NUP160: variants seen among roughly 807,000 people sequenced by gnomAD.
NUP160 encodes the protein nuclear pore complex protein Nup160.
In NUP160, 94 loss-of-function variants were observed where a neutral mutation model predicts 196.9. The observed-to-expected ratio is 0.48, with a 90% CI of 0.40 to 0.57. The LOEUF (loss-of-function observed/expected upper bound fraction) is 0.57, where lower values mean the gene tolerates loss of function less well. NUP160 is among the 20% of genes least tolerant of loss of function. The probability of loss-of-function intolerance (pLI) is 0.00; values close to 1 mark genes in which losing one functional copy is unlikely to be tolerated. For missense variants in NUP160, 1,638 were observed against 1,748.3 expected, an observed-to-expected ratio of 0.94 and a Z score of 1.13; for synonymous variants, 605 against 619.7, an observed-to-expected ratio of 0.98 and a Z score of 0.35.
intron 29 of NUP160, among the ~76,000 whole-genome samples, chr11:47,790,480 T>G (rs913839590): frequency 2.0e-5 from 3 of 151,972 alleles, no homozygotes; most frequent in Non-Finnish European, 4.4e-5. Flanking sequence ...AGGCTGGTCT[T>G]GAACTCCTGA....
chr11:47,785,641 C>T (rs529757961), intron 32 of NUP160, among the ~76,000 whole-genome samples: 4 of 152,286 alleles, frequency 2.6e-5, no homozygotes, highest in Non-Finnish European at 5.9e-5. Flanking sequence ...ATGCATAATT[C>T]ATTTAACTCC....
At chr11:47,809,306 T>TCTCTCATA (rs534056343) in intron 17 of NUP160, among the ~76,000 whole-genome samples, 117 of 150,022 alleles carry the variant, frequency 7.8e-4, no homozygotes, top group African/African-American at 2.5e-3. Flanking sequence ...AAATCTAAAT[T>TCTCTCATA]CTCTCATATA....
chr11:47,828,079 G>T (rs1394163273), intron 7 of NUP160, among the ~76,000 whole-genome samples: 2 of 152,172 alleles, frequency 1.3e-5, no homozygotes, highest in Non-Finnish European at 1.5e-5. Context: ...ATGTTGCCCA[G>T]GCTGGTCTGG....
chr11:47,839,861 G>A (rs1852259934), exon 4 of NUP160: 1 of 1,613,410 alleles, frequency 6.2e-7, no homozygotes, highest in Non-Finnish European at 8.5e-7. Context: ...TCATAAGGAG[G>A]TAGCTTAAGA....
chr11:47,844,464 A>G (rs767080770), intron 2 of NUP160, among the ~76,000 whole-genome samples: 1 of 151,632 alleles, frequency 6.6e-6, no homozygotes, highest in Non-Finnish European at 1.5e-5. Flanking sequence ...TCAGCTGCAG[A>G]CTCCTGGCTC....
chr11:47,840,745 C>A (rs1698400992), intron 2 of NUP160, among the ~76,000 whole-genome samples, 157 bp from the exon 3 acceptor site: 1 of 152,154 alleles, frequency 6.6e-6, no homozygotes, highest in African/African-American at 2.4e-5. Context: ...ACATTATGTA[C>A]ATTTATAAAA....
At chr11:47,837,227 ATT>A (rs1852195016) in intron 5 of NUP160, among the ~76,000 whole-genome samples, 1 of 152,190 alleles carries the variant, frequency 6.6e-6, no homozygotes, top group Admixed American at 6.5e-5. Context: ...TTCCTTTTAT[ATT>A]GTTTTCCTGT....
intron 35 of NUP160, 50 bp from the exon 36 acceptor site, chr11:47,779,244 A>G (rs1478391653): frequency 8.3e-7 from 1 of 1,205,434 alleles, no homozygotes; most frequent in East Asian, 2.3e-5. Context: ...ACAATGGAAA[A>G]ATATTGAAGT....
intron 9 of NUP160, chr11:47,821,253 C>T (rs1184063158): frequency 2.0e-5 from 3 of 149,830 alleles, no homozygotes; most frequent in Non-Finnish European, 4.4e-5. Context: ...ACAAAATGCA[C>T]AAGAGGTATT....
chr11:47,815,834 A>G, intron 12 of NUP160, 112 bp downstream of exon 12: 1 of 989,706 alleles, frequency 1.0e-6, no homozygotes, highest in South Asian at 1.6e-5. Flanking sequence ...AAACATTTAT[A>G]TGTTCCAACA....
exon 33 of NUP160, chr11:47,785,052 T>A: frequency 6.7e-7 from 1 of 1,494,612 alleles, no homozygotes; most frequent in Non-Finnish European, 9.0e-7. Flanking sequence ...TCGCCATGCT[T>A]CATCTGTAGC....
At chr11:47,798,315 C>T (rs2097672062) in intron 24 of NUP160, 53 bp from the exon 25 acceptor site, 1 of 1,534,368 alleles carries the variant, frequency 6.5e-7, no homozygotes, top group Non-Finnish European at 9.0e-7. Context: ...AATGAACATA[C>T]CACACCCACA....
chr11:47,815,910 G>T, intron 12 of NUP160, 36 bp downstream of exon 12: 1 of 1,502,438 alleles, frequency 6.7e-7, no homozygotes, highest in Non-Finnish European at 9.2e-7. Context: ...TATCAAGATG[G>T]AAGGAATTCT....
chr11:47,789,139 C>A (rs1452887254), intron 29 of NUP160, among the ~76,000 whole-genome samples: 1 of 152,028 alleles, frequency 6.6e-6, no homozygotes, highest in African/African-American at 2.4e-5. Flanking sequence ...AGCCTCCCAA[C>A]GTGCTGGGAT....
chr11:47,825,093 C>G (rs1384160280), intron 7 of NUP160, among the ~76,000 whole-genome samples: 1 of 152,134 alleles, frequency 6.6e-6, no homozygotes. Context: ...CCTCGGCCTC[C>G]CAAAGTGCTG....
At chr11:47,814,659 G>A (rs1424099451) in intron 13 of NUP160, among the ~76,000 whole-genome samples, 1 of 151,906 alleles carries the variant, frequency 6.6e-6, no homozygotes, top group Non-Finnish European at 1.5e-5. Flanking sequence ...AATATAAGCT[G>A]TATAATATTA....
chr11:47,805,066 T>C (rs889825174), intron 20 of NUP160, among the ~76,000 whole-genome samples: 2 of 152,146 alleles, frequency 1.3e-5, no homozygotes, highest in Non-Finnish European at 2.9e-5. Context: ...TTGGTGCCAG[T>C]GGACATCCAG....
intron 34 of NUP160, among the ~76,000 whole-genome samples, chr11:47,782,451 T>G (rs1391066273): frequency 6.7e-6 from 1 of 148,854 alleles, no homozygotes; most frequent in Non-Finnish European, 1.5e-5. Context: ...ATACATATAA[T>G]ACATCTAACC....
At chr11:47,792,967 A>G (rs1171931040) in intron 27 of NUP160, 21 bp from the exon 28 acceptor site, 2 of 1,594,050 alleles carry the variant, frequency 1.3e-6, no homozygotes, top group Admixed American at 3.7e-5. Flanking sequence ...ATAATAAATT[A>G]GACTTTAGAA....
Sources: gnomAD v4.1 joint callset for allele counts (sites outside exome capture counted in the v4.1 genomes callset) on GRCh38, gnomAD v4.1.1 for gene constraint, MANE v1.5 for transcripts, NCBI Gene and HGNC (gene_info 2026-07-23, HGNC 2026-07-21) for gene names.